ETNPPL: variants seen among roughly 807,000 people sequenced by gnomAD.
ETNPPL encodes ethanolamine-phosphate phospho-lyase.
Under a neutral mutation model 55.5 loss-of-function variants are expected in ETNPPL, and 30 were observed. That is an observed-to-expected ratio of 0.54 (90% CI 0.40 to 0.73). The LOEUF (loss-of-function observed/expected upper bound fraction) is 0.73, where lower values mean the gene tolerates loss of function less well. ETNPPL is among the 30% of genes least tolerant of loss of function. ETNPPL has a pLI of 0.00. For synonymous variants in ETNPPL, 202 were observed against 207.2 expected, an observed-to-expected ratio of 0.98 and a Z score of 0.21; for missense variants, 528 against 607.9, an observed-to-expected ratio of 0.87 and a Z score of 1.38.
intron 5 of ETNPPL, among the ~76,000 whole-genome samples, chr4:108,753,265 A>G (rs1050749991): frequency 3.3e-5 from 5 of 152,182 alleles, no homozygotes; most frequent in African/African-American, 1.2e-4. Flanking sequence ...CATAAATAGA[A>G]CATTCAAATC....
Position 108,760,301 on chromosome 4 carries a change from G to A in ETNPPL, c.62C>T (p.Ser21Leu), listed in dbSNP as rs1346146474. 6.3e-7 allele frequency: 1 copy of A among 1,575,030 alleles called. No homozygotes were observed. The highest frequency in any genetic ancestry group is 8.7e-7 in the Non-Finnish European group (1 of 1,145,456). ...LGLRKKHIGP[S>L]CKVFFASDPI... is the part of the protein sequence containing the mutation. Reference sequence around the variant, plus strand: ...ATCCGATGCAAAGAAAACTTTGCATGAGGGCCTAGAAATAATCAAAGGAAA... The same window carrying A: ...ATCCGATGCAAAGAAAACTTTGCATAAGGGCCTAGAAATAATCAAAGGAAA... The change falls in exon 2 of 13, where the codon TCA becomes TTA. Residue 21 changes from serine (S) to leucine (L), a missense_variant. Transcript: ENST00000296486.
intron 3 of ETNPPL, 121 bp from the exon 4 acceptor site, chr4:108,756,613 G>A (rs981821934): frequency 2.1e-5 from 15 of 698,558 alleles, no homozygotes; most frequent in South Asian, 3.5e-5. Context: ...AAGGAGGGCC[G>A]ATTGCCTGAG....
intron 4 of ETNPPL, among the ~76,000 whole-genome samples, chr4:108,755,590 G>A (rs138164856): frequency 0.012 from 1,814 of 152,306 alleles, 31 homozygotes; most frequent in African/African-American, 0.041. Flanking sequence ...GCTGAGGCGG[G>A]TGGATCACTT....
In ETNPPL at chr4:108,743,827, C is replaced by G; in HGVS notation, c.1333G>C (p.Glu445Gln). 1 of 1,611,782 alleles carries G rather than the reference C, an allele frequency of 6.2e-7. No homozygotes were observed. Among genetic ancestry groups the G allele is most frequent in the South Asian group, 1.1e-5 (1 of 90,996 alleles). ...VLEEAMGTKT[E>Q]SVTSENTPCK... The stretch of plus-strand genomic sequence containing the variant: ...GGAGTATTCTCAGAGGTCACACTTT[C>G]GGTTTTGGTTCCCATAGCTTCTTCT... The change falls in exon 12 of 13, where the codon GAA becomes CAA. Residue 445 changes from glutamate (E) to glutamine (Q), a missense_variant. Physicochemically the swap from Glu to Gln is conservative, Grantham distance 29 (BLOSUM62 2). Coordinates refer to ENST00000296486, the MANE Select transcript of ETNPPL (RefSeq NM_031279.4).
At chr4:108,748,912 T>A (rs1728750237) in intron 8 of ETNPPL, among the ~76,000 whole-genome samples, 1 of 152,116 alleles carries the variant, frequency 6.6e-6, no homozygotes. Flanking sequence ...GAATAAAATC[T>A]GGTTAGATAA....
In ETNPPL at chr4:108,762,894, C is replaced by T; in HGVS notation, c.5G>A (p.Cys2Tyr). Residue 2 changes from cysteine (C) to tyrosine (Y), a missense_variant, in exon 1 of 13, where the codon TGC becomes TAC. Transcript: ENST00000296486. ...AGTGTCCCGCTTACTGTACAGCTCGCACATGGTGGCGGGGTGCAGGGCGCT... is the reference window on the plus strand; with the variant it reads ...AGTGTCCCGCTTACTGTACAGCTCGTACATGGTGGCGGGGTGCAGGGCGCT... M[C>Y]ELYSKRDTLG... 1 of 1,614,064 alleles carries T rather than the reference C, an allele frequency of 6.2e-7. No homozygotes were observed. Among genetic ancestry groups the T allele is most frequent in the South Asian group, 1.1e-5 (1 of 91,088 alleles).
chr4:108,753,886 C>G (rs922129408), intron 5 of ETNPPL, among the ~76,000 whole-genome samples: 1 of 151,162 alleles, frequency 6.6e-6, no homozygotes. Flanking sequence ...TTCACCTTTT[C>G]AACAACTTGG....
In ETNPPL at chr4:108,762,796, G is replaced by C. The variant is rs535548346; in HGVS notation, c.56+47C>G. ...CTTTCTCTCTCCACCTTCTGCACTC[G>C]TTATTGCCCCCTCTCTGCACTTACT... On this transcript the variant is annotated intron_variant, in intron 1 of 12. Transcript: ENST00000296486. 15 of 1,602,292 alleles carry C rather than the reference G, an allele frequency of 9.4e-6. No individual in the cohort carries two copies. In the South Asian group the frequency reaches 1.1e-4, roughly 12 times the overall value.
chr4:108,753,133 T>C, intron 5 of ETNPPL, 122 bp from the exon 6 acceptor site: 1 of 602,638 alleles, frequency 1.7e-6, no homozygotes, highest in Non-Finnish European at 2.9e-6. Flanking sequence ...TACTTTAGGT[T>C]TTTTTGTTCT....
At chr4:108,758,762 G>A (rs1161858929) in intron 3 of ETNPPL, among the ~76,000 whole-genome samples, 1 of 152,184 alleles carries the variant, frequency 6.6e-6, no homozygotes, top group Non-Finnish European at 1.5e-5. Context: ...ATCTCTTGGG[G>A]CTCCTTCTGG....
In ETNPPL at chr4:108,742,283, A is replaced by G. The variant is rs907224458; in HGVS notation, c.*201T>C. 2.4e-6 allele frequency: 1 copy of G among 414,222 alleles called. No homozygotes were observed. The highest frequency in any genetic ancestry group is 2.0e-5 in the African/African-American group (1 of 50,800). 25.7% of individuals were successfully genotyped at this position (414,222 alleles called of 1,614,324 possible). A position where few individuals can be genotyped will look rare whatever the true frequency, so the allele number is the denominator to read the frequency against. On this transcript the variant is annotated 3_prime_UTR_variant, in exon 13 of 13. Transcript: ENST00000296486. The stretch of plus-strand genomic sequence containing the variant: ...CTTCAGAAATCAACTAAGAAAATTA[A>G]CAGGCTAGAGTCTGAACTAATAATC...
chr4:108,745,874 T>C (rs1460879494), intron 11 of ETNPPL, among the ~76,000 whole-genome samples: 1 of 135,330 alleles, frequency 7.4e-6, no homozygotes, highest in African/African-American at 3.0e-5. Context: ...GAGGCTGCAG[T>C]GAGCCGAGAT....
intron 11 of ETNPPL, among the ~76,000 whole-genome samples, chr4:108,745,415 T>C (rs1035028230): frequency 5.9e-5 from 9 of 151,692 alleles, no homozygotes; most frequent in Non-Finnish European, 1.2e-4. Context: ...GCCCACATGG[T>C]GAAACCTGTC....
rs1560649997 is a variant in ETNPPL, at chr4:108,747,140, AT to A, written c.1083-290del. On this transcript the variant is annotated intron_variant, in intron 9 of 12. Coordinates refer to ENST00000296486, the MANE Select transcript of ETNPPL (RefSeq NM_031279.4). ...ATGTTAACATTATATATATATATATATATATATAATATATATATATATATTA... is the reference window on the plus strand; with the variant it reads ...ATGTTAACATTATATATATATATATAATATATAATATATATATATATATTA... Among the ~76,000 whole-genome samples, 9 of 24,230 alleles carry A rather than the reference AT, an allele frequency of 3.7e-4. 1 individual carries two copies. Among genetic ancestry groups the A allele is most frequent in the African/African-American group, 2.2e-3 (9 of 4,116 alleles). 15.9% of individuals were successfully genotyped at this position (24,230 alleles called of 152,430 possible). A position where few individuals can be genotyped will look rare whatever the true frequency, so the allele number is the denominator to read the frequency against.
At position 108,748,169 on chromosome 4, in the gene ETNPPL, A is replaced by G; in HGVS notation, c.928-10T>C. On this transcript the variant is annotated splice_polypyrimidine_tract_variant and intron_variant, in intron 8 of 12. Transcript: ENST00000296486. ...CTGGATTTCCTCCATACTGTAAAAAAAAAAAAGACAAATGAGAAAATATAC... is the reference window on the plus strand; with the variant it reads ...CTGGATTTCCTCCATACTGTAAAAAGAAAAAAGACAAATGAGAAAATATAC... 6.5e-7 allele frequency: 1 copy of G among 1,550,344 alleles called. No individual in the cohort carries two copies. Among genetic ancestry groups the G allele is most frequent in the Non-Finnish European group, 8.6e-7 (1 of 1,158,402 alleles).
At chr4:108,762,352 C>T (rs888958568) in intron 1 of ETNPPL, 4 of 464,698 alleles carry the variant, frequency 8.6e-6, no homozygotes, top group Non-Finnish European at 1.3e-5. Context: ...AACCCTTCAT[C>T]ACTTAACCAA....
At chr4:108,757,710 G>C (rs1048412271) in intron 3 of ETNPPL, among the ~76,000 whole-genome samples, 1 of 152,064 alleles carries the variant, frequency 6.6e-6, no homozygotes, top group Non-Finnish European at 1.5e-5. Flanking sequence ...AGGCTGAAGC[G>C]GGCAGATTGC....
chr4:108,749,584 T>G (rs1728799174), intron 7 of ETNPPL, 121 bp from the exon 8 acceptor site: 1 of 673,196 alleles, frequency 1.5e-6, no homozygotes, highest in African/African-American at 1.8e-5. Context: ...TTAATTTTTC[T>G]TAAAAAACAT....
chr4:108,747,157 A>ATGTCAG (rs1728587461), intron 9 of ETNPPL, among the ~76,000 whole-genome samples: 1 of 16,288 alleles, frequency 6.1e-5, no homozygotes, highest in African/African-American at 4.6e-4. Flanking sequence ...TAATATATAT[A>ATGTCAG]TATATATTAT....
Sources: gnomAD v4.1 joint callset for allele counts (sites outside exome capture counted in the v4.1 genomes callset) on GRCh38, gnomAD v4.1.1 for gene constraint, MANE v1.5 for transcripts, NCBI Gene and HGNC (gene_info 2026-07-23, HGNC 2026-07-21) for gene names.